EHBP1: variants seen among roughly 807,000 people sequenced by gnomAD.
EHBP1 encodes EH domain binding protein 1.
In EHBP1, 55 loss-of-function variants were observed where a neutral mutation model predicts 144.0. The observed-to-expected ratio is 0.38, with a 90% CI of 0.31 to 0.48. The LOEUF is 0.48. EHBP1 is among the 20% of genes least tolerant of loss of function. The pLI, the probability that EHBP1 is intolerant of heterozygous loss-of-function variation, is 0.98. For synonymous variants in EHBP1, 469 were observed against 472.7 expected (o/e 0.99, Z 0.10); for missense variants, 1,200 against 1,364.2 (o/e 0.88, Z 1.90).
intron 19 of EHBP1, among the ~76,000 whole-genome samples, chr2:63,017,659 G>A (rs933106886): frequency 6.6e-6 from 1 of 151,902 alleles, no homozygotes; most frequent in African/African-American, 2.4e-5. Flanking sequence ...TGAAATAAAA[G>A]ATGAAAAACA....
intron 19 of EHBP1, among the ~76,000 whole-genome samples, chr2:63,014,581 TAC>T (rs2060406047): frequency 6.6e-6 from 1 of 152,232 alleles, no homozygotes. Flanking sequence ...GCAATCACTG[TAC>T]ACTTACCAGG....
intron 10 of EHBP1, among the ~76,000 whole-genome samples, chr2:62,882,847 ACTCCAGCCTGGGCAACAAGAGTGAAAC>A (rs984301047): frequency 5.3e-5 from 8 of 150,866 alleles, no homozygotes; most frequent in African/African-American, 2.0e-4. Context: ...GCGCCATTGC[ACTCCAGCCTGGGCAACAAGAGTGAAAC>A]TCCCTCTCAA....
chr2:62,992,436 C>T (rs1187995612), intron 16 of EHBP1, among the ~76,000 whole-genome samples: 1 of 152,042 alleles, frequency 6.6e-6, no homozygotes. Flanking sequence ...TTCCAAAACA[C>T]TCTTATATAG....
At chr2:62,930,720 A>G (rs1316278241) in intron 10 of EHBP1, among the ~76,000 whole-genome samples, 1 of 152,200 alleles carries the variant, frequency 6.6e-6, no homozygotes, top group East Asian at 1.9e-4. Context: ...AAACCTCTGC[A>G]TATAATAAGG....
At chr2:62,694,894 A>G (rs2034032451) in intron 1 of EHBP1, among the ~76,000 whole-genome samples, 1 of 152,292 alleles carries the variant, frequency 6.6e-6, no homozygotes, top group African/African-American at 2.4e-5. Flanking sequence ...CAATATTCCC[A>G]GAATTTTGTA....
At chr2:62,911,591 A>G (rs934809245) in intron 10 of EHBP1, among the ~76,000 whole-genome samples, 10 of 152,096 alleles carry the variant, frequency 6.6e-5, no homozygotes, top group African/African-American at 1.7e-4. Flanking sequence ...CCTCTCAAGT[A>G]GCTGGGATTA....
intron 10 of EHBP1, among the ~76,000 whole-genome samples, chr2:62,910,855 C>T (rs944326443): frequency 2.0e-5 from 3 of 152,176 alleles, no homozygotes; most frequent in Non-Finnish European, 4.4e-5. Context: ...TTACCTTCCA[C>T]TTAATAGGTG....
At chr2:62,752,906 A>T (rs903926206) in intron 3 of EHBP1, among the ~76,000 whole-genome samples, 2 of 152,014 alleles carry the variant, frequency 1.3e-5, no homozygotes, top group African/African-American at 2.4e-5. Context: ...TCTGCACGTG[A>T]GATGGGTTTC....
At position 62,772,991 on chromosome 2, in the gene EHBP1, A is replaced by G. The variant is rs371668415; in HGVS notation, c.312+1599A>G. Among the ~76,000 whole-genome samples the G allele has an allele frequency of 7.9e-5, 12 of 152,340 alleles. No individual in the cohort carries two copies. The East Asian group carries it at 1.7e-3, about 22-fold the overall frequency. On this transcript the variant is annotated intron_variant, in intron 5 of 22. Coordinates refer to ENST00000431489, the MANE Select transcript of EHBP1 (RefSeq NM_001142616.3). ...ATTTCAGAAGGATTGTGAAATTGCT[A>G]TATTCTTAATGCATGGGAAAGAGCA...
At chr2:62,894,239 G>A (rs1163936331) in intron 10 of EHBP1, among the ~76,000 whole-genome samples, 1 of 152,098 alleles carries the variant, frequency 6.6e-6, no homozygotes, top group African/African-American at 2.4e-5. Context: ...AATATGGTAG[G>A]CACATAAACA....
Position 62,731,402 on chromosome 2 carries a change from T to C in EHBP1, c.105-15993T>C, listed in dbSNP as rs150818112. On this transcript the variant is annotated intron_variant, in intron 2 of 22. Coordinates refer to ENST00000431489, the MANE Select transcript of EHBP1 (RefSeq NM_001142616.3). Reference sequence around the variant, plus strand: ...CCTTTCCAACCTATATACCTTTTCTTTTTCTTGTCTTATTGCATTAGCTAG... The same window carrying C: ...CCTTTCCAACCTATATACCTTTTCTCTTTCTTGTCTTATTGCATTAGCTAG... Among the ~76,000 whole-genome samples, 31 of 152,316 alleles carry C rather than the reference T, an allele frequency of 2.0e-4. No individual in the cohort carries two copies. In the East Asian group the frequency reaches 6.0e-3, roughly 29 times the overall value.
intron 10 of EHBP1, among the ~76,000 whole-genome samples, chr2:62,926,846 A>T (rs910967760): frequency 6.6e-6 from 1 of 152,138 alleles, no homozygotes; most frequent in Non-Finnish European, 1.5e-5. Context: ...CTGAGTATTT[A>T]TCCACAGAGA....
At chr2:62,858,539 C>T in intron 7 of EHBP1, 1 of 1,451,400 alleles carries the variant, frequency 6.9e-7, no homozygotes, top group East Asian at 2.3e-5. Flanking sequence ...TTTCTTTCTG[C>T]TTCTGATTGC....
intron 15 of EHBP1, among the ~76,000 whole-genome samples, chr2:62,990,215 G>A (rs914067143): frequency 6.6e-6 from 1 of 151,966 alleles, no homozygotes; most frequent in East Asian, 1.9e-4. Flanking sequence ...GGTTATATAG[G>A]TACATATATA....
chr2:62,711,102 C>G lies in EHBP1; in HGVS notation c.104+3807C>G, dbSNP rs143861127. 7.8e-4 allele frequency among the ~76,000 whole-genome samples: 119 copies of G among 152,232 alleles called. 1 individual carries two copies. In the East Asian group the frequency reaches 0.021, roughly 27 times the overall value. On this transcript the variant is annotated intron_variant, in intron 2 of 22. Coordinates refer to ENST00000431489, the MANE Select transcript of EHBP1 (RefSeq NM_001142616.3). The stretch of plus-strand genomic sequence containing the variant: ...CAGCTAATAGGCTGTTGCAGTAATT[C>G]AAACAGCAGAGTAGTAGGTGGTGAG...
Position 62,955,560 on chromosome 2 carries a change from G to A in EHBP1, c.2360G>A (p.Arg787Lys). ...CAAGAAGAACTTAAGGAAAGAGCAA[G>A]AGTTCTGCTTGAGCAAGCAAGAAGA... The part of the protein sequence containing the change: ...SRQEELKERA[R>K]VLLEQARRDA... Residue 787 changes from arginine (R) to lysine (K), a missense_variant, in exon 14 of 23, where the codon AGA becomes AAA. Coordinates refer to ENST00000431489, the MANE Select transcript of EHBP1 (RefSeq NM_001142616.3). 6.2e-7 allele frequency: 1 copy of A among 1,612,972 alleles called. No homozygotes were observed. Among genetic ancestry groups the A allele is most frequent in the East Asian group, 2.2e-5 (1 of 44,808 alleles).
At chr2:62,983,610 A>C (rs1488022419) in intron 15 of EHBP1, among the ~76,000 whole-genome samples, 1 of 152,110 alleles carries the variant, frequency 6.6e-6, no homozygotes, top group Non-Finnish European at 1.5e-5. Flanking sequence ...GCGCTATCTC[A>C]GCTCACTGCA....
intron 13 of EHBP1, among the ~76,000 whole-genome samples, chr2:62,954,548 C>A (rs1304722118): frequency 2.0e-5 from 3 of 151,908 alleles, no homozygotes; most frequent in Non-Finnish European, 4.4e-5. Flanking sequence ...TAAGAAAAAT[C>A]TTTTCTTCTT....
intron 10 of EHBP1, among the ~76,000 whole-genome samples, chr2:62,887,067 A>G (rs1031604035): frequency 4.6e-5 from 7 of 152,154 alleles, no homozygotes; most frequent in Non-Finnish European, 1.0e-4. Flanking sequence ...GTCATCAGGG[A>G]TCCTATTATA....
Sources: gnomAD v4.1 joint callset for allele counts (sites outside exome capture counted in the v4.1 genomes callset) on GRCh38, gnomAD v4.1.1 for gene constraint, MANE v1.5 for transcripts, NCBI Gene and HGNC (gene_info 2026-07-23, HGNC 2026-07-21) for gene names.